The following PRDM15 variants were observed in gnomAD, a reference collection of about 807,000 sequenced individuals.
PRDM15 encodes the protein PR domain zinc finger protein 15.
In PRDM15, 64 loss-of-function variants were observed where a neutral mutation model predicts 128.6. The ratio of observed to expected loss-of-function variants is 0.50; its 90% CI spans 0.41 to 0.61. The LOEUF (loss-of-function observed/expected upper bound fraction) is 0.61. Ranked by LOEUF, PRDM15 falls within the 20% of genes least tolerant of loss-of-function variation. The probability of loss-of-function intolerance (pLI) is 0.00; values close to 1 mark genes in which losing one functional copy is unlikely to be tolerated. For synonymous variants in PRDM15, 615 were observed against 621.8 expected, an observed-to-expected ratio of 0.99 and a Z score of 0.16; for missense variants, 1,242 against 1,569.1, an observed-to-expected ratio of 0.79 and a Z score of 3.52.
Position 41,821,083 on chromosome 21 carries a change from C to G in PRDM15, c.2044G>C (p.Asp682His). ...HMVIHRENLP[D>H]PNVQKYIHPC... Reference sequence around the variant, plus strand: ...AGGCCTCACTTCTGCACGTTGGGGTCCGGCAGGTTTTCACGGTGGATGACC... The same window carrying G: ...AGGCCTCACTTCTGCACGTTGGGGTGCGGCAGGTTTTCACGGTGGATGACC... The change falls in exon 16 of 24, where the codon GAC (aspartate) becomes CAC (histidine). Residue 682 changes from aspartate to histidine, a missense_variant. By Grantham distance (81) the Asp-to-His change is moderately conservative. Around this residue, in one of 3 missense-constraint regions of PRDM15, gnomAD observed 602 missense variants for 788.3 expected, o/e 0.76. Coordinates refer to ENST00000398548, the MANE Select transcript of PRDM15 (RefSeq NM_001040424.3). This position sits in a 1 kb window ranked among gnomAD's most constrained non-coding sequence, Gnocchi z 5.4. 1 of 1,614,212 alleles carries G rather than the reference C, an allele frequency of 6.2e-7. No individual in the cohort carries two copies. Among genetic ancestry groups the G allele is most frequent in the Non-Finnish European group, 8.5e-7 (1 of 1,180,036 alleles).
At position 41,821,060 on chromosome 21, in the gene PRDM15, G is replaced by T; in HGVS notation, c.2060+7C>A. On this transcript the variant is annotated splice_region_variant and intron_variant, in intron 16 of 23. Transcript: ENST00000398548. The surrounding 1 kb of genome is among the most constrained non-coding windows in gnomAD (Gnocchi z 5.4). Reference sequence around the variant, plus strand: ...ACACAACCCGGGAGCCCCCGACCAGGCCTCACTTCTGCACGTTGGGGTCCG... The same window carrying T: ...ACACAACCCGGGAGCCCCCGACCAGTCCTCACTTCTGCACGTTGGGGTCCG... 1.2e-6 allele frequency: 2 copies of T among 1,614,140 alleles called. No homozygotes were observed. Among genetic ancestry groups the T allele is most frequent in the Non-Finnish European group, 1.7e-6 (2 of 1,180,010 alleles).
chr21:41,841,887 T>C (rs2063084291), intron 6 of PRDM15, among the ~76,000 whole-genome samples: 1 of 152,234 alleles, frequency 6.6e-6, no homozygotes, highest in African/African-American at 2.4e-5. Flanking sequence ...AATTTTTGCT[T>C]ATTATTAGAC....
intron 4 of PRDM15, among the ~76,000 whole-genome samples, chr21:41,856,077 TCCTTCCCTCCCTC>T (rs2063596886): frequency 6.1e-5 from 1 of 16,266 alleles, no homozygotes; most frequent in East Asian, 1.5e-3. Flanking sequence ...CTCCCTCCCT[TCCTTCCCTCCCTC>T]CCCTCCCTCC....
At chr21:41,815,506 C>T (rs1375915162) in intron 19 of PRDM15, among the ~76,000 whole-genome samples, 199 bp downstream of exon 19, 4 of 152,210 alleles carry the variant, frequency 2.6e-5, no homozygotes, top group East Asian at 1.9e-4. Context: ...TCTCCGGTGA[C>T]GAGGCCCCTG....
chr21:41,827,484 G>A (rs1299681268), intron 12 of PRDM15, among the ~76,000 whole-genome samples: 1 of 152,132 alleles, frequency 6.6e-6, no homozygotes, highest in African/African-American at 2.4e-5. Flanking sequence ...TGAGTAGCTG[G>A]CACTACAAGT....
chr21:41,836,575 C>T lies in PRDM15; in HGVS notation c.1076G>A (p.Arg359His), dbSNP rs776443327. ...CTCCCCGAGCTGTTTGATGAGCTTG[C>T]GCCGGATGCCGTGTCTGCTTGAGAG... ...LILSSRHGIR[R>H]KLIKQLGEHK... The change falls in exon 9 of 24, where the codon CGC becomes CAC. Residue 359 changes from arginine (R) to histidine (H), a missense_variant. Transcript: ENST00000398548. The T allele has an allele frequency of 4.3e-6, 7 of 1,613,368 alleles. No homozygotes were observed. The highest frequency in any genetic ancestry group is 3.3e-5 in the Admixed American group (2 of 59,964).
rs1434935886 is a variant in PRDM15, at chr21:41,822,031, C to T, written c.1768G>A (p.Ala590Thr). 3 of 1,614,034 alleles carry T rather than the reference C, an allele frequency of 1.9e-6. No individual in the cohort carries two copies. Among genetic ancestry groups the T allele is most frequent in the South Asian group, 1.1e-5 (1 of 91,090 alleles). Reference protein sequence around the residue: ...DHIHVHFKDIALMDDHQREEF... With the variant: ...DHIHVHFKDITLMDDHQREEF... ...TCCCTCTGGTGGTCATCCATCAACG[C>T]GATGTCCTGGAAAACAGCCACCACT... is the stretch of plus-strand genomic sequence containing the variant. The change falls in exon 15 of 24, where the codon GCG becomes ACG. Residue 590 changes from alanine (A) to threonine (T), a missense_variant. Ala to Thr is a moderately conservative substitution (Grantham distance 58). Transcript: ENST00000398548.
intron 6 of PRDM15, among the ~76,000 whole-genome samples, chr21:41,844,333 C>T (rs993224119): frequency 6.6e-6 from 1 of 151,880 alleles, no homozygotes; most frequent in African/African-American, 2.4e-5. Flanking sequence ...CTCAAGAGAA[C>T]ACACAACCCC....
At chr21:41,830,958 C>A (rs899556798) in intron 11 of PRDM15, among the ~76,000 whole-genome samples, 2 of 152,196 alleles carry the variant, frequency 1.3e-5, no homozygotes, top group African/African-American at 4.8e-5. Flanking sequence ...GCCCTGCCCC[C>A]ATCCATCAGA....
chr21:41,854,803 C>T lies in PRDM15; in HGVS notation c.301G>A (p.Gly101Arg), dbSNP rs190965453. The change falls in exon 5 of 24, where the codon GGG becomes AGG. Residue 101 changes from glycine (G) to arginine (R), a missense_variant. Gly to Arg is a moderately radical substitution (Grantham distance 125). Transcript: ENST00000398548. This position sits in a 1 kb window ranked among gnomAD's most constrained non-coding sequence, Gnocchi z 4.6. ...AFPLKVFQKD[G>R]HPVCFDTSNE... ...GAGGTGTCGAAGCACACGGGGTGCC[C>T]GTCCTTCTGGAACACCTGAAGGTGA... 1.7e-5 allele frequency: 27 copies of T among 1,601,624 alleles called. No homozygotes were observed. The highest frequency in any genetic ancestry group is 1.6e-4 in the East Asian group (7 of 44,506).
At chr21:41,870,542 G>C (rs2064173431) in intron 1 of PRDM15, 1 of 152,186 alleles carries the variant, frequency 6.6e-6, no homozygotes, top group Admixed American at 6.5e-5. Context: ...AAATGCTGTG[G>C]GTGGGCTTCA....
At position 41,811,184 on chromosome 21, in the gene PRDM15, C is replaced by T; in HGVS notation, c.2393-348G>A. 3.8e-6 allele frequency: 1 copy of T among 263,324 alleles called. No individual in the cohort carries two copies. Among genetic ancestry groups the T allele is most frequent in the Non-Finnish European group, 7.5e-6 (1 of 132,816 alleles). 16.3% of individuals were successfully genotyped at this position (263,324 alleles called of 1,614,324 possible). A position where few individuals can be genotyped will look rare whatever the true frequency, so the allele number is the denominator to read the frequency against. On this transcript the variant is annotated intron_variant, in intron 19 of 23. Transcript: ENST00000398548. The surrounding 1 kb of genome is among the most constrained non-coding windows in gnomAD (Gnocchi z 4.1). Reference sequence around the variant, plus strand: ...CACACCTCCCTTAGTCCAGGAAGCTCTTAGGCAGCACATGTGATATTACAA... The same window carrying T: ...CACACCTCCCTTAGTCCAGGAAGCTTTTAGGCAGCACATGTGATATTACAA...
intron 1 of PRDM15, among the ~76,000 whole-genome samples, chr21:41,874,517 A>ATTTTT (rs1569031021): frequency 9.1e-5 from 6 of 66,230 alleles, no homozygotes; most frequent in African/African-American, 2.8e-4. Context: ...ATATATATAT[A>ATTTTT]TATATATATT....
In PRDM15 at chr21:41,801,360, C is replaced by T. The variant is rs200853879; in HGVS notation, c.3306G>A (p.Thr1102=). 3.8e-4 allele frequency: 615 copies of T among 1,607,444 alleles called. 1 individual carries two copies. The highest frequency in any genetic ancestry group is 4.9e-4 in the Non-Finnish European group (580 of 1,175,184). Residue 1102 remains threonine, a synonymous_variant, in exon 24 of 24, where the codon ACG becomes ACA. Coordinates refer to ENST00000398548, the MANE Select transcript of PRDM15 (RefSeq NM_001040424.3). The part of the protein sequence containing the change: ...GSQLSDQHPL[T]WRAVPQTDVL... ...CGTCAGTCTGGGGCACTGCCCGCCACGTGAGCGGGTGCTGGTCACTAAGCT... is the reference window on the plus strand; with the variant it reads ...CGTCAGTCTGGGGCACTGCCCGCCATGTGAGCGGGTGCTGGTCACTAAGCT...
At chr21:41,862,000 C>A (rs777142756) in intron 1 of PRDM15, 2 of 1,612,340 alleles carry the variant, frequency 1.2e-6, no homozygotes, top group Admixed American at 1.7e-5. Context: ...CCTTGCCTGC[C>A]CCAGTTCCTG....
chr21:41,875,885 T>C (rs900447662), intron 1 of PRDM15, among the ~76,000 whole-genome samples: 7 of 152,170 alleles, frequency 4.6e-5, no homozygotes, highest in Non-Finnish European at 8.8e-5. Context: ...AATGCATTGC[T>C]ATGGGATTTT....
intron 1 of PRDM15, chr21:41,878,846 G>GC (rs1569039393): frequency 1.1e-6 from 1 of 870,960 alleles, no homozygotes; most frequent in Non-Finnish European, 1.3e-6. Context: ...GCCGCGGGCC[G>GC]GGGCGGCGAA....
chr21:41,859,767 C>T lies in PRDM15; in HGVS notation c.38-82G>A. On this transcript the variant is annotated intron_variant, in intron 2 of 23. Transcript: ENST00000398548. This position sits in a 1 kb window ranked among gnomAD's most constrained non-coding sequence, Gnocchi z 5.3. ...CAAACCTGGGAAATGGGGACCCTGG[C>T]CCCATGAGGGTGACCCAGAGTCATG... is the stretch of plus-strand genomic sequence containing the variant. The T allele has an allele frequency of 8.5e-7, 1 of 1,173,516 alleles. No individual in the cohort carries two copies. Among genetic ancestry groups the T allele is most frequent in the South Asian group, 1.3e-5 (1 of 77,380 alleles). 72.7% of individuals were successfully genotyped at this position (1,173,516 alleles called of 1,614,324 possible).
Position 41,810,344 on chromosome 21 carries a change from G to A in PRDM15, c.2477-15C>T, listed in dbSNP as rs747356849. The A allele has an allele frequency of 5.0e-6, 8 of 1,605,766 alleles. No homozygotes were observed. Among genetic ancestry groups the A allele is most frequent in the African/African-American group, 2.7e-5 (2 of 73,772 alleles). ...CTGCTTGCCCACTTTTCACACACAC[G>A]CAGACACACATGCGCGTGGAAAGGA... On this transcript the variant is annotated splice_polypyrimidine_tract_variant and intron_variant, in intron 20 of 23. Coordinates refer to ENST00000398548, the MANE Select transcript of PRDM15 (RefSeq NM_001040424.3). This position sits in a 1 kb window ranked among gnomAD's most constrained non-coding sequence, Gnocchi z 6.4.
Sources: allele counts gnomAD v4.1 joint callset (sites outside exome capture counted in the v4.1 genomes callset), GRCh38; gene constraint gnomAD v4.1.1; regional missense constraint gnomAD v4.1.1; non-coding constraint Gnocchi (gnomAD v3.1); transcripts MANE v1.5; gene names NCBI Gene and HGNC (gene_info 2026-07-23, HGNC 2026-07-21).